The following KPNA6 variants were observed in gnomAD, a reference collection of about 807,000 sequenced individuals.
KPNA6 encodes the protein importin subunit alpha-7.
KPNA6 carries 9 observed loss-of-function variants against 72.0 expected under a neutral mutation model. The ratio of observed to expected loss-of-function variants is 0.13; its 90% CI spans 0.08 to 0.22. The LOEUF (loss-of-function observed/expected upper bound fraction) is 0.22. KPNA6 is among the 10% of genes least tolerant of loss of function. KPNA6 has a pLI of 1.00. For synonymous variants in KPNA6, 219 were observed against 242.1 expected (o/e 0.90, Z 0.89); for missense variants, 374 against 655.7 (o/e 0.57, Z 4.69).
At chr1:32,114,354 T>C (rs1169789761) in intron 1 of KPNA6, among the ~76,000 whole-genome samples, 2 of 151,482 alleles carry the variant, frequency 1.3e-5, no homozygotes, top group East Asian at 3.9e-4. Context: ...GGCAAGAGAA[T>C]TGTTTGAACC....
intron 1 of KPNA6, 51 bp from the exon 2 acceptor site, chr1:32,154,537 G>C: frequency 6.3e-7 from 1 of 1,593,038 alleles, no homozygotes; most frequent in South Asian, 1.1e-5. Flanking sequence ...CTAGTGAAAA[G>C]GAAATGCTGT....
intron 1 of KPNA6, among the ~76,000 whole-genome samples, chr1:32,140,256 A>G (rs1167854483): frequency 6.6e-6 from 1 of 151,976 alleles, no homozygotes; most frequent in Non-Finnish European, 1.5e-5. Context: ...TGGTGGTGTG[A>G]ACCTGTAATC....
chr1:32,132,986 C>G (rs1365282540), intron 1 of KPNA6, among the ~76,000 whole-genome samples: 1 of 152,092 alleles, frequency 6.6e-6, no homozygotes, highest in East Asian at 1.9e-4. Flanking sequence ...CCACCTGCCC[C>G]AGCCTCCAAA....
intron 1 of KPNA6, among the ~76,000 whole-genome samples, chr1:32,132,933 C>CTCTGTTG (rs1306986972): frequency 4.6e-5 from 7 of 151,924 alleles, no homozygotes; most frequent in Non-Finnish European, 7.4e-5. Flanking sequence ...TGGGGTCCCA[C>CTCTGTTG]TCTGTTGCCC....
At chr1:32,141,375 CTTTTTTTTTTTTTTTTTTTTTTTTTTTT>C (rs71006334) in intron 1 of KPNA6, among the ~76,000 whole-genome samples, 2 of 54,454 alleles carry the variant, frequency 3.7e-5, no homozygotes, top group Non-Finnish European at 4.0e-5. Context: ...TAAGTTAATC[CTTTTTTTTTTTTTTTTTTTTTTTTTTTT>C]TTTTTTTTTT....
At position 32,173,570 on chromosome 1, in the gene KPNA6, C is replaced by A. The variant is rs74064053; in HGVS notation, c.*2676C>A. 3,736 of 153,784 alleles carry A rather than the reference C, an allele frequency of 0.024. 162 individuals carry two copies. The highest frequency in any genetic ancestry group is 0.084 in the African/African-American group (3,502 of 41,620). The allele number at this position is 153,784 out of a possible 1,614,324, so 9.5% of individuals were successfully genotyped here. On this transcript the variant is annotated 3_prime_UTR_variant, in exon 14 of 14. Coordinates refer to ENST00000373625, the MANE Select transcript of KPNA6 (RefSeq NM_012316.5). ...TTTCCTGTTATCTTCCTTTAATCCC[C>A]TTTCAACCAACAGGTGAAGTTCTTC...
intron 1 of KPNA6, chr1:32,143,092 G>A: frequency 1.1e-6 from 1 of 934,288 alleles, no homozygotes; most frequent in Non-Finnish European, 1.5e-6. Flanking sequence ...AGTCTCACAG[G>A]GATAATCGGG....
chr1:32,173,489 T>TA lies in KPNA6; in HGVS notation c.*2597dup, dbSNP rs1181011764. The TA allele has an allele frequency of 5.7e-6, 1 of 176,954 alleles. No individual in the cohort carries two copies. Among genetic ancestry groups the TA allele is most frequent in the African/African-American group, 2.4e-5 (1 of 42,506 alleles). 11.0% of individuals were successfully genotyped at this position (176,954 alleles called of 1,614,324 possible). A position where few individuals can be genotyped will look rare whatever the true frequency, so the allele number is the denominator to read the frequency against. On this transcript the variant is annotated 3_prime_UTR_variant, in exon 14 of 14. Coordinates refer to ENST00000373625, the MANE Select transcript of KPNA6 (RefSeq NM_012316.5). ...GGGGCAGAGTGTGAGGATAGATTTCTAATCAGAGAAAAGTGGCCTCCAGGA... is the reference window on the plus strand; with the variant it reads ...GGGGCAGAGTGTGAGGATAGATTTCTAAATCAGAGAAAAGTGGCCTCCAGGA...
At chr1:32,150,423 A>G (rs925292486) in intron 1 of KPNA6, among the ~76,000 whole-genome samples, 1 of 151,868 alleles carries the variant, frequency 6.6e-6, no homozygotes, top group Admixed American at 6.6e-5. Flanking sequence ...TTGAGCCACC[A>G]TGCCCTGCCA....
intron 1 of KPNA6, 56 bp downstream of exon 1, chr1:32,108,190 G>A (rs1279798718): frequency 6.2e-7 from 1 of 1,611,780 alleles, no homozygotes; most frequent in Non-Finnish European, 8.5e-7. Flanking sequence ...TCGGGGCCTG[G>A]GATTTGGCGA....
At chr1:32,110,612 TA>T (rs1437275463) in intron 1 of KPNA6, among the ~76,000 whole-genome samples, 2 of 152,104 alleles carry the variant, frequency 1.3e-5, no homozygotes, top group South Asian at 2.1e-4. Flanking sequence ...CTAAATAAGA[TA>T]ACAGCATTTG....
chr1:32,172,055 A>AT lies in KPNA6; in HGVS notation c.*1168dup, dbSNP rs769651705. The AT allele has an allele frequency of 2.0e-5, 3 of 151,956 alleles. No homozygotes were observed. Among genetic ancestry groups the AT allele is most frequent in the Non-Finnish European group, 4.4e-5 (3 of 67,990 alleles). 9.4% of individuals were successfully genotyped at this position (151,956 alleles called of 1,614,324 possible). A position where few individuals can be genotyped will look rare whatever the true frequency, so the allele number is the denominator to read the frequency against. ...AGGAGAGAATGTCAAAAAGTTCTGT[A>AT]TTTTTTTATATTCTATATATTAGGT... On this transcript the variant is annotated 3_prime_UTR_variant, in exon 14 of 14. Transcript: ENST00000373625.
intron 1 of KPNA6, among the ~76,000 whole-genome samples, chr1:32,128,426 TACACAC>T (rs1230804875): frequency 7.1e-5 from 7 of 99,144 alleles, no homozygotes; most frequent in Non-Finnish European, 1.4e-4. Flanking sequence ...TATATATATA[TACACAC>T]ACACACACAT....
chr1:32,115,677 AG>A (rs1420192347), intron 1 of KPNA6, among the ~76,000 whole-genome samples: 1 of 152,074 alleles, frequency 6.6e-6, no homozygotes, highest in Non-Finnish European at 1.5e-5. Context: ...CTTATTCCTC[AG>A]CCTCCAAAGC....
intron 10 of KPNA6, among the ~76,000 whole-genome samples, chr1:32,164,818 A>G (rs1183424150): frequency 6.6e-6 from 1 of 151,934 alleles, no homozygotes; most frequent in African/African-American, 2.4e-5. Context: ...CTTATCAGAC[A>G]CATGTTTTGC....
At chr1:32,170,464 T>A (rs1186120963) in intron 13 of KPNA6, among the ~76,000 whole-genome samples, 1 of 152,202 alleles carries the variant, frequency 6.6e-6, no homozygotes, top group Admixed American at 6.5e-5. Context: ...CAGGTCATGC[T>A]TCTAGTTTAA....
At chr1:32,122,678 G>A (rs985573783) in intron 1 of KPNA6, among the ~76,000 whole-genome samples, 3 of 152,002 alleles carry the variant, frequency 2.0e-5, no homozygotes, top group East Asian at 1.9e-4. Flanking sequence ...TGGGTGGGCC[G>A]GGTGCAGTGG....
At chr1:32,113,452 A>G (rs566055892) in intron 1 of KPNA6, among the ~76,000 whole-genome samples, 18 of 152,094 alleles carry the variant, frequency 1.2e-4, no homozygotes, top group African/African-American at 4.1e-4. Context: ...GTATGTATAT[A>G]TGTTTTTTTT....
intron 1 of KPNA6, among the ~76,000 whole-genome samples, chr1:32,116,053 TTATGAA>T (rs1397212227): frequency 2.6e-5 from 4 of 152,260 alleles, no homozygotes; most frequent in Admixed American, 2.0e-4. Context: ...TCCTTAAACC[TTATGAA>T]CCAGTCTCGT....
Sources: gnomAD v4.1 joint callset for allele counts (sites outside exome capture counted in the v4.1 genomes callset) on GRCh38, gnomAD v4.1.1 for gene constraint, MANE v1.5 for transcripts, NCBI Gene and HGNC (gene_info 2026-07-23, HGNC 2026-07-21) for gene names.